The following OPCML variants were observed in gnomAD, a reference collection of about 807,000 sequenced individuals.
OPCML encodes opioid-binding protein/cell adhesion molecule.
OPCML carries 13 observed loss-of-function variants against 37.8 expected under a neutral mutation model. That is an observed-to-expected ratio of 0.34 (90% CI 0.22 to 0.55). The LOEUF (loss-of-function observed/expected upper bound fraction) is 0.55, where lower values mean the gene tolerates loss of function less well. Among genes scored for constraint, OPCML ranks in the 20% least tolerant of loss-of-function variants. The pLI is 0.91. For missense variants in OPCML, 341 were observed against 435.6 expected, an observed-to-expected ratio of 0.78 and a Z score of 1.93; for synonymous variants, 176 against 168.8, an observed-to-expected ratio of 1.04 and a Z score of -0.33.
chr11:132,435,653 C>T (rs2096010564), intron 7 of OPCML, among the ~76,000 whole-genome samples: 1 of 152,164 alleles, frequency 6.6e-6, no homozygotes, highest in South Asian at 2.1e-4. Context: ...TCCATTCTTC[C>T]CCATGGATGA....
intron 1 of OPCML, among the ~76,000 whole-genome samples, chr11:133,324,397 C>G (rs1243326970): frequency 1.3e-5 from 2 of 152,132 alleles, no homozygotes; most frequent in African/African-American, 4.8e-5. Flanking sequence ...AGCCATGCTG[C>G]CTCTGCTCAG....
intron 1 of OPCML, among the ~76,000 whole-genome samples, chr11:132,989,602 C>CGTGT (rs72145712): frequency 1.8e-3 from 247 of 139,558 alleles, no homozygotes; most frequent in South Asian, 9.3e-3. Context: ...GGTCCTAGAG[C>CGTGT]GTGTGTGTGT....
intron 4 of OPCML, among the ~76,000 whole-genome samples, chr11:132,467,989 C>T (rs969609026): frequency 6.6e-6 from 1 of 152,178 alleles, no homozygotes; most frequent in African/African-American, 2.4e-5. Flanking sequence ...AGCTTCTGAT[C>T]TCCACGCTGA....
At chr11:132,510,462 A>C (rs1210468186) in intron 4 of OPCML, among the ~76,000 whole-genome samples, 1 of 152,132 alleles carries the variant, frequency 6.6e-6, no homozygotes, top group African/African-American at 2.4e-5. Context: ...TCCCCACCCA[A>C]ATCTCATCTT....
intron 1 of OPCML, among the ~76,000 whole-genome samples, chr11:133,369,533 C>G (rs1019491442): frequency 4.6e-5 from 7 of 152,178 alleles, no homozygotes; most frequent in African/African-American, 1.7e-4. Flanking sequence ...GTTGGCATAT[C>G]TCTACTTTCT....
intron 4 of OPCML, among the ~76,000 whole-genome samples, chr11:132,451,483 G>T (rs915290310): frequency 1.3e-5 from 2 of 152,072 alleles, no homozygotes; most frequent in African/African-American, 4.8e-5. Context: ...TTATGCAGCT[G>T]GTCTGGCTTC....
At chr11:133,045,502 A>G (rs1315460083) in intron 1 of OPCML, among the ~76,000 whole-genome samples, 5 of 152,304 alleles carry the variant, frequency 3.3e-5, no homozygotes, top group Middle Eastern at 6.8e-3. Flanking sequence ...TCAGTGATGT[A>G]GCACCGTCAT....
intron 2 of OPCML, among the ~76,000 whole-genome samples, chr11:132,715,909 C>A (rs1455535877): frequency 6.6e-6 from 1 of 152,136 alleles, no homozygotes; most frequent in African/African-American, 2.4e-5. Flanking sequence ...AAGTGGATGA[C>A]CCACAGTCGA....
intron 7 of OPCML, among the ~76,000 whole-genome samples, chr11:132,427,658 C>A (rs75247236): frequency 0.073 from 11,079 of 152,200 alleles, 1,065 homozygotes; most frequent in African/African-American, 0.23. Context: ...TAATTCAAAT[C>A]CGTCAGCTCA....
chr11:132,965,280 G>C (rs1946189759), intron 1 of OPCML, among the ~76,000 whole-genome samples: 1 of 152,108 alleles, frequency 6.6e-6, no homozygotes, highest in Non-Finnish European at 1.5e-5. Context: ...GTGGAAAAGA[G>C]CTTGTAAAAA....
intron 1 of OPCML, among the ~76,000 whole-genome samples, chr11:133,129,773 T>C (rs1214314420): frequency 6.6e-6 from 1 of 152,248 alleles, no homozygotes; most frequent in South Asian, 2.1e-4. Context: ...GTGTGTGTCA[T>C]GGCACATGCC....
At chr11:132,897,548 G>C (rs1040828265) in intron 2 of OPCML, among the ~76,000 whole-genome samples, 2 of 152,204 alleles carry the variant, frequency 1.3e-5, no homozygotes, top group African/African-American at 4.8e-5. Context: ...GCCTTATGGG[G>C]AGTCCTCATG....
chr11:132,748,063 CTTTT>C lies in OPCML; in HGVS notation c.147-90748_147-90745del, dbSNP rs34569655. Among the ~76,000 whole-genome samples the C allele has an allele frequency of 5.3e-3, 750 of 140,490 alleles. 10 individuals are homozygous for C. The highest frequency in any genetic ancestry group is 0.023 in the Middle Eastern group (6 of 266). 92.2% of individuals were successfully genotyped at this position (140,490 alleles called of 152,430 possible). ...GTTATTTTATCCTCCAGCTGCTTGT[CTTTT>C]TTTTTTTTTTTTAGAGAAAAATAGG... On this transcript the variant is annotated intron_variant, in intron 2 of 7. Coordinates refer to ENST00000524381, the MANE Select transcript of OPCML (RefSeq NM_001012393.5).
At chr11:132,581,513 T>C (rs1181655390) in intron 3 of OPCML, among the ~76,000 whole-genome samples, 1 of 152,170 alleles carries the variant, frequency 6.6e-6, no homozygotes, top group East Asian at 1.9e-4. Flanking sequence ...CACACATAGG[T>C]AACAAAATTT....
At position 133,303,991 on chromosome 11, in the gene OPCML, T is replaced by C. The variant is rs144414940; in HGVS notation, c.61+228273A>G. Among the ~76,000 whole-genome samples the C allele has an allele frequency of 1.7e-3, 260 of 152,342 alleles. 2 individuals are homozygous for C. The highest frequency in any genetic ancestry group is 5.8e-3 in the African/African-American group (241 of 41,590). On this transcript the variant is annotated intron_variant, in intron 1 of 7. Transcript: ENST00000524381. ...CTTTAATAACTACTGGAACACTTAA[T>C]GTGAAAATTACTCTTCCTAAGTCAA...
At chr11:133,027,489 GTT>G (rs1491267694) in intron 1 of OPCML, among the ~76,000 whole-genome samples, 2 of 148,134 alleles carry the variant, frequency 1.4e-5, no homozygotes, top group Non-Finnish European at 3.0e-5. Context: ...GTGTGTGTGT[GTT>G]GTGTGTGTGT....
chr11:132,889,770 G>A (rs995557060), intron 2 of OPCML, among the ~76,000 whole-genome samples: 4 of 152,216 alleles, frequency 2.6e-5, no homozygotes, highest in Non-Finnish European at 5.9e-5. Flanking sequence ...ACAGGGATGA[G>A]GTTTGTCTGA....
At chr11:133,413,385 G>A (rs1395865883) in intron 1 of OPCML, among the ~76,000 whole-genome samples, 1 of 151,878 alleles carries the variant, frequency 6.6e-6, no homozygotes, top group Non-Finnish European at 1.5e-5. Context: ...GCTAGATGAC[G>A]AGTTAGTGGG....
chr11:133,518,282 C>T (rs1427412849), intron 1 of OPCML, among the ~76,000 whole-genome samples: 1 of 142,320 alleles, frequency 7.0e-6, no homozygotes, highest in Non-Finnish European at 1.5e-5. Flanking sequence ...TGGATATAAG[C>T]AAAGTATGTA....
Sources: gnomAD v4.1 joint callset for allele counts (sites outside exome capture counted in the v4.1 genomes callset) on GRCh38, gnomAD v4.1.1 for gene constraint, MANE v1.5 for transcripts, NCBI Gene and HGNC (gene_info 2026-07-23, HGNC 2026-07-21) for gene names.